The following SH3GL2 variants were observed in gnomAD, a reference collection of about 807,000 sequenced individuals.
SH3GL2 encodes SH3 domain containing GRB2 like 2, endophilin A1.
Under a neutral mutation model 46.0 loss-of-function variants are expected in SH3GL2, and 24 were observed. The ratio of observed to expected loss-of-function variants is 0.52; its 90% CI spans 0.38 to 0.73. The LOEUF is 0.73. Among genes scored for constraint, SH3GL2 ranks in the 30% least tolerant of loss-of-function variants. The pLI is 0.00. For synonymous variants in SH3GL2, 196 were observed against 147.1 expected (o/e 1.33, Z -2.40); for missense variants, 413 against 424.2 (o/e 0.97, Z 0.23).
At chr9:17,657,596 G>A (rs1820118577) in intron 1 of SH3GL2, among the ~76,000 whole-genome samples, 1 of 152,200 alleles carries the variant, frequency 6.6e-6, no homozygotes, top group Admixed American at 6.5e-5. Flanking sequence ...GCAGTTATGA[G>A]GACTAGCTGG....
chr9:17,608,368 G>C (rs373107845), intron 1 of SH3GL2, among the ~76,000 whole-genome samples: 1 of 151,962 alleles, frequency 6.6e-6, no homozygotes, highest in Non-Finnish European at 1.5e-5. Flanking sequence ...GGATGGTCTC[G>C]ATCTCCTGAC....
intron 1 of SH3GL2, among the ~76,000 whole-genome samples, chr9:17,677,421 G>A (rs146766600): frequency 0.01 from 1,561 of 152,168 alleles, 17 homozygotes; most frequent in Middle Eastern, 0.024. Context: ...TCAATGACAA[G>A]ATTTTAGCAT....
chr9:17,706,692 A>C (rs189404526), intron 1 of SH3GL2, among the ~76,000 whole-genome samples: 35 of 151,872 alleles, frequency 2.3e-4, no homozygotes, highest in Admixed American at 6.6e-4. Context: ...TTTGTATCTT[A>C]TTTTTTTCCT....
chr9:17,673,256 C>G (rs1820518469), intron 1 of SH3GL2, among the ~76,000 whole-genome samples: 1 of 152,160 alleles, frequency 6.6e-6, no homozygotes, highest in African/African-American at 2.4e-5. Context: ...TCAAGCAATC[C>G]TCCCACTTCA....
intron 7 of SH3GL2, among the ~76,000 whole-genome samples, chr9:17,791,688 A>G (rs970085693): frequency 2.6e-5 from 4 of 152,136 alleles, no homozygotes; most frequent in Non-Finnish European, 4.4e-5. Flanking sequence ...CTGTAACCTA[A>G]GTGTTTTTAG....
intron 1 of SH3GL2, among the ~76,000 whole-genome samples, chr9:17,612,601 A>C (rs981733308): frequency 3.3e-5 from 5 of 152,158 alleles, no homozygotes; most frequent in African/African-American, 9.7e-5. Context: ...GGGAGGATGC[A>C]TTTCACTTGT....
intron 1 of SH3GL2, among the ~76,000 whole-genome samples, chr9:17,622,987 T>TTTCCTTTCCTTTCTG (rs1819182640): frequency 1.9e-5 from 1 of 52,490 alleles, no homozygotes; most frequent in African/African-American, 7.1e-5. Context: ...TTTCCTTTCG[T>TTTCCTTTCCTTTCTG]TTCCTTTCCT....
chr9:17,716,515 C>T (rs1821764304), intron 1 of SH3GL2, among the ~76,000 whole-genome samples: 1 of 152,154 alleles, frequency 6.6e-6, no homozygotes, highest in East Asian at 1.9e-4. Flanking sequence ...CCAGTATGTG[C>T]AGTGGGAATA....
intron 1 of SH3GL2, among the ~76,000 whole-genome samples, chr9:17,701,858 C>T (rs546999441): frequency 2.6e-4 from 40 of 152,012 alleles, no homozygotes; most frequent in Non-Finnish European, 4.3e-4. Context: ...AAAGACTTAG[C>T]ATCATAAAGG....
chr9:17,623,220 G>A (rs116805089), intron 1 of SH3GL2, among the ~76,000 whole-genome samples: 4 of 152,010 alleles, frequency 2.6e-5, no homozygotes, highest in African/African-American at 9.7e-5. Flanking sequence ...GGGATGAGAA[G>A]TTAGTCTCTG....
At chr9:17,645,394 G>A (rs745602018) in intron 1 of SH3GL2, among the ~76,000 whole-genome samples, 33 of 152,126 alleles carry the variant, frequency 2.2e-4, no homozygotes, top group Non-Finnish European at 3.8e-4. Flanking sequence ...ATTCTTATGT[G>A]TGAATTTGAT....
intron 1 of SH3GL2, among the ~76,000 whole-genome samples, chr9:17,693,845 G>A (rs953875816): frequency 1.3e-5 from 2 of 152,126 alleles, no homozygotes; most frequent in South Asian, 2.1e-4. Context: ...ATTTGTAATC[G>A]TGGTAACCAC....
chr9:17,717,869 G>C (rs1821800252), intron 1 of SH3GL2, among the ~76,000 whole-genome samples: 2 of 152,064 alleles, frequency 1.3e-5, no homozygotes, highest in Non-Finnish European at 1.5e-5. Flanking sequence ...TTTTTCTGGA[G>C]TCTGTTATGC....
At chr9:17,649,249 T>TAG (rs1819896868) in intron 1 of SH3GL2, among the ~76,000 whole-genome samples, 3 of 152,356 alleles carry the variant, frequency 2.0e-5, no homozygotes, top group African/African-American at 7.2e-5. Context: ...GTATTTTTAG[T>TAG]AGAGGCAGGG....
At position 17,795,899 on chromosome 9, in the gene SH3GL2, C is replaced by A. The variant is rs1369205136; in HGVS notation, c.*156C>A. ...ACTTTGGTTGACTTGTGGGCTCCCACAGGAGTCATGGTGATGGATGATATC... is the reference window on the plus strand; with the variant it reads ...ACTTTGGTTGACTTGTGGGCTCCCAAAGGAGTCATGGTGATGGATGATATC... On this transcript the variant is annotated 3_prime_UTR_variant, in exon 9 of 9. Coordinates refer to ENST00000380607, the MANE Select transcript of SH3GL2 (RefSeq NM_003026.5). The A allele has an allele frequency of 1.6e-6, 1 of 626,666 alleles. No individual in the cohort carries two copies. The highest frequency in any genetic ancestry group is 2.7e-5 in the East Asian group (1 of 36,432). The allele number at this position is 626,666 out of a possible 1,614,324, so 38.8% of individuals were successfully genotyped here. A position where few individuals can be genotyped will look rare whatever the true frequency, so the allele number is the denominator to read the frequency against.
At chr9:17,720,341 T>C (rs1213817141) in intron 1 of SH3GL2, among the ~76,000 whole-genome samples, 1 of 152,142 alleles carries the variant, frequency 6.6e-6, no homozygotes, top group Non-Finnish European at 1.5e-5. Context: ...AGAGTTCGAC[T>C]GAGCAAAGAA....
rs1563786650 is a variant in SH3GL2 at position 17,623,060 on chromosome 9, TTCCCCTTCCCCTTC to T, written c.45+43774_45+43787del. Among the ~76,000 whole-genome samples, 290 of 110,598 alleles carry T rather than the reference TTCCCCTTCCCCTTC, an allele frequency of 2.6e-3. 2 individuals carry two copies. The highest frequency in any genetic ancestry group is 8.8e-3 in the African/African-American group (268 of 30,594). 72.6% of individuals were successfully genotyped at this position (110,598 alleles called of 152,430 possible). On this transcript the variant is annotated intron_variant, in intron 1 of 8. Transcript: ENST00000380607. ...CCTTTCCTTCCCCTTCCCCTTCCCC[TTCCCCTTCCCCTTC>T]CCCTTCCCCTTCCCCTTTCCTATCT...
In SH3GL2 at chr9:17,614,295, G is replaced by GGAAAAAAAAAAAAAAAAAAAAAAAAA. The variant is rs762920242; in HGVS notation, c.45+35008_45+35009insGAAAAAAAAAAAAAAAAAAAAAAAAA. Among the ~76,000 whole-genome samples, 27 of 70,302 alleles carry GGAAAAAAAAAAAAAAAAAAAAAAAAA rather than the reference G, an allele frequency of 3.8e-4. 3 individuals carry two copies. Among genetic ancestry groups the GGAAAAAAAAAAAAAAAAAAAAAAAAA allele is most frequent in the African/African-American group, 1.5e-3 (26 of 17,354 alleles). 46.1% of individuals were successfully genotyped at this position (70,302 alleles called of 152,430 possible). On this transcript the variant is annotated intron_variant, in intron 1 of 8. Transcript: ENST00000380607. ...GTGACAGGGAACATGCATGGTTTCT[G>GGAAAAAAAAAAAAAAAAAAAAAAAAA]AAAAAAAAAAAAAAAAAAAAAAAAA...
intron 1 of SH3GL2, among the ~76,000 whole-genome samples, chr9:17,689,831 A>G (rs543453176): frequency 2.0e-5 from 3 of 152,218 alleles, no homozygotes; most frequent in African/African-American, 7.2e-5. Flanking sequence ...CTTTGTCTTC[A>G]TAATACTCAG....
Sources: allele counts gnomAD v4.1 joint callset (sites outside exome capture counted in the v4.1 genomes callset), GRCh38; gene constraint gnomAD v4.1.1; transcripts MANE v1.5; gene names NCBI Gene and HGNC (gene_info 2026-07-23, HGNC 2026-07-21).